The following GRM8 variants were observed in gnomAD, a reference collection of about 807,000 sequenced individuals.
The protein encoded by GRM8 is metabotropic glutamate receptor 8.
GRM8 carries 47 observed loss-of-function variants against 87.2 expected under a neutral mutation model. The ratio of observed to expected loss-of-function variants is 0.54; its 90% confidence interval spans 0.43 to 0.69. The LOEUF (loss-of-function observed/expected upper bound fraction) is 0.69. Ranked by LOEUF, GRM8 falls within the 30% of genes least tolerant of loss-of-function variation. The pLI is 0.00. For synonymous variants in GRM8, 396 were observed against 404.5 expected (o/e 0.98, Z 0.25); for missense variants, 1,019 against 1,139.2 (o/e 0.89, Z 1.52).
intron 2 of GRM8, among the ~76,000 whole-genome samples, chr7:127,162,550 C>T (rs889288972): frequency 2.6e-5 from 4 of 152,178 alleles, no homozygotes; most frequent in African/African-American, 7.2e-5. Context: ...CTCCCCTTCT[C>T]TCTTTTTGCT....
chr7:127,096,901 C>T (rs1244759224), intron 3 of GRM8, among the ~76,000 whole-genome samples: 1 of 152,128 alleles, frequency 6.6e-6, no homozygotes, highest in Non-Finnish European at 1.5e-5. Flanking sequence ...GGTTCCCATG[C>T]GTTATCAAAG....
intron 3 of GRM8, among the ~76,000 whole-genome samples, chr7:127,082,682 C>T (rs963937136): frequency 2.6e-5 from 4 of 152,136 alleles, no homozygotes; most frequent in Non-Finnish European, 4.4e-5. Flanking sequence ...AACACTACTG[C>T]GTAAATGTTT....
intron 6 of GRM8, among the ~76,000 whole-genome samples, chr7:126,833,322 T>C (rs1795563133): frequency 6.6e-6 from 1 of 152,200 alleles, no homozygotes; most frequent in Non-Finnish European, 1.5e-5. Context: ...TAATCATTCT[T>C]TGCACCCCAG....
At chr7:126,491,351 C>T (rs1180705001) in intron 9 of GRM8, among the ~76,000 whole-genome samples, 4 of 151,900 alleles carry the variant, frequency 2.6e-5, no homozygotes, top group Non-Finnish European at 5.9e-5. Context: ...AAAACAAAAG[C>T]GTTTTAAAAT....
rs1434412748 is a variant in GRM8, at chr7:126,769,862, T to C, written c.1357+3A>G. On this transcript the variant is annotated splice_donor_region_variant and intron_variant, in intron 7 of 10. Coordinates refer to ENST00000339582, the MANE Select transcript of GRM8 (RefSeq NM_000845.3). ...ATTTAGACACACACACGTTGTAACT[T>C]ACCATTAAAATTTACAGCCCGAATA... The C allele has an allele frequency of 2.5e-6, 4 of 1,590,970 alleles. No individual in the cohort carries two copies. In the South Asian group the frequency reaches 3.3e-5, roughly 13 times the overall value.
intron 8 of GRM8, among the ~76,000 whole-genome samples, chr7:126,605,270 TAGAG>T (rs1321678523): frequency 6.6e-6 from 1 of 152,114 alleles, no homozygotes; most frequent in Admixed American, 6.5e-5. Context: ...CCTAATAAAA[TAGAG>T]AGACTCATTG....
intron 2 of GRM8, among the ~76,000 whole-genome samples, chr7:127,185,613 G>A (rs1263456110): frequency 1.3e-5 from 2 of 152,138 alleles, no homozygotes; most frequent in Non-Finnish European, 2.9e-5. Flanking sequence ...AAATTGGTAA[G>A]TTGGATTTTA....
At chr7:126,499,654 ATATGT>A (rs1209052965) in intron 9 of GRM8, among the ~76,000 whole-genome samples, 1 of 151,938 alleles carries the variant, frequency 6.6e-6, no homozygotes, top group Non-Finnish European at 1.5e-5. Flanking sequence ...GAGCTGGGAG[ATATGT>A]TAAGTTAAAT....
intron 3 of GRM8, among the ~76,000 whole-genome samples, chr7:126,930,372 T>C (rs1171202461): frequency 6.6e-6 from 1 of 152,196 alleles, no homozygotes; most frequent in Non-Finnish European, 1.5e-5. Flanking sequence ...CAAAATAAAT[T>C]GCTCAGTGTT....
chr7:126,552,516 A>T (rs1792696889), intron 8 of GRM8, among the ~76,000 whole-genome samples: 1 of 152,184 alleles, frequency 6.6e-6, no homozygotes, highest in African/African-American at 2.4e-5. Flanking sequence ...TGAGAATTAT[A>T]CAATACAAGC....
chr7:127,174,871 A>G (rs1794008932), intron 2 of GRM8, among the ~76,000 whole-genome samples: 1 of 152,196 alleles, frequency 6.6e-6, no homozygotes, highest in Non-Finnish European at 1.5e-5. Context: ...TGAAGCCTAC[A>G]TGTGAATGCT....
intron 7 of GRM8, chr7:126,701,922 C>A (rs1304934629): frequency 4.7e-6 from 2 of 421,804 alleles, no homozygotes; most frequent in African/African-American, 2.1e-5. Context: ...TGCCTTCTGT[C>A]TTAGTATAAT....
intron 3 of GRM8, among the ~76,000 whole-genome samples, chr7:127,092,542 G>A (rs1824248289): frequency 6.6e-6 from 1 of 152,100 alleles, no homozygotes; most frequent in Non-Finnish European, 1.5e-5. Flanking sequence ...CTAAAAAATA[G>A]TAATAATACA....
rs181768320 is a variant in GRM8, at chr7:127,051,831, T to C, written c.727+54665A>G. Among the ~76,000 whole-genome samples, 14 of 138,394 alleles carry C rather than the reference T, an allele frequency of 1.0e-4. No homozygotes were observed. In the East Asian group the frequency reaches 2.5e-3, roughly 25 times the overall value. The allele number at this position is 138,394 out of a possible 152,430, so 90.8% of individuals were successfully genotyped here. A position where few individuals can be genotyped will look rare whatever the true frequency, so the allele number is the denominator to read the frequency against. On this transcript the variant is annotated intron_variant, in intron 3 of 10. Transcript: ENST00000339582. ...ATAGTATTTATAACATGCTGAACAA[T>C]ACTGAATATTGTTTGTGGCATGCCC...
chr7:126,535,826 C>T (rs952575966), intron 8 of GRM8, among the ~76,000 whole-genome samples: 1 of 152,102 alleles, frequency 6.6e-6, no homozygotes, highest in Non-Finnish European at 1.5e-5. Flanking sequence ...AGAATGGAGG[C>T]CTCCTGTCCA....
intron 2 of GRM8, among the ~76,000 whole-genome samples, chr7:127,166,095 A>G (rs900130976): frequency 6.6e-6 from 1 of 152,176 alleles, no homozygotes; most frequent in African/African-American, 2.4e-5. Flanking sequence ...ATCATCACCA[A>G]TGACTCCTTT....
At chr7:126,581,119 C>T (rs1795569429) in intron 8 of GRM8, among the ~76,000 whole-genome samples, 1 of 151,892 alleles carries the variant, frequency 6.6e-6, no homozygotes, top group Admixed American at 6.6e-5. Context: ...CAGCTATCAT[C>T]TTGAAAGTTA....
intron 7 of GRM8, among the ~76,000 whole-genome samples, chr7:126,747,995 TACA>T (rs1563148345): frequency 6.6e-6 from 1 of 152,050 alleles, no homozygotes; most frequent in African/African-American, 2.4e-5. Flanking sequence ...CACACTATTC[TACA>T]ACTAGCTTAT....
At chr7:126,680,080 G>A (rs1438927135) in intron 7 of GRM8, among the ~76,000 whole-genome samples, 2 of 151,842 alleles carry the variant, frequency 1.3e-5, no homozygotes, top group African/African-American at 2.4e-5. Flanking sequence ...ATAAATAGGA[G>A]GCTCACCCCA....
Sources: gnomAD v4.1 joint callset for allele counts (sites outside exome capture counted in the v4.1 genomes callset) on GRCh38, gnomAD v4.1.1 for gene constraint, MANE v1.5 for transcripts, NCBI Gene and HGNC (gene_info 2026-07-23, HGNC 2026-07-21) for gene names.